EMX1: variants seen among roughly 807,000 people sequenced by gnomAD.
EMX1 encodes the protein empty spiracles homeobox 1.
Under a neutral mutation model 20.1 loss-of-function variants are expected in EMX1, and 10 were observed. The ratio of observed to expected loss-of-function variants is 0.50; its 90% CI spans 0.31 to 0.84. The LOEUF is 0.84. Ranked by LOEUF, EMX1 falls within the 40% of genes least tolerant of loss-of-function variation. The probability of loss-of-function intolerance (pLI) is 0.05; values close to 1 mark genes in which losing one functional copy is unlikely to be tolerated. For missense variants in EMX1, 424 were observed against 431.9 expected (o/e 0.98, Z 0.16); for synonymous variants, 250 against 200.4 (o/e 1.25, Z -2.09).
rs1671286712 is a variant in EMX1, at chr2:72,931,571, A to C, written c.706-2216A>C. ...GGGGCAGGGGCCAGGCTGCTGCCAA[A>C]TGGTTGTGCTGAGAACCACCCAGGG... is the stretch of plus-strand genomic sequence containing the variant. On this transcript the variant is annotated intron_variant, in intron 2 of 2. Transcript: ENST00000258106. 2.0e-5 allele frequency among the ~76,000 whole-genome samples: 3 copies of C among 152,034 alleles called. No individual in the cohort carries two copies. The South Asian group carries it at 6.2e-4, about 32-fold the overall frequency.
chr2:72,932,190 C>T (rs928217124), intron 2 of EMX1, among the ~76,000 whole-genome samples: 74 of 152,230 alleles, frequency 4.9e-4, no homozygotes, highest in African/African-American at 1.6e-3. Flanking sequence ...ATTCCTCACC[C>T]GCAACTCTGC....
At position 72,918,035 on chromosome 2, in the gene EMX1, CG is replaced by C. The variant is rs1444366083; in HGVS notation, c.188del (p.Gly63AlafsTer34). On this transcript the variant is annotated frameshift_variant, in exon 1 of 3. Coordinates refer to ENST00000258106, the MANE Select transcript of EMX1 (RefSeq NM_004097.3). LOFTEE classifies it high-confidence loss of function. ...GCGGCACCGGCGGGGGCACTGGCGG[CG>C]GGGGCGCGGGCTCCCATCTCCTGGC... is the stretch of plus-strand genomic sequence containing the variant. ...DGGTGGGTGG[G>X]GAGSHLLAAA... 1.4e-6 allele frequency: 2 copies of C among 1,417,486 alleles called. No homozygotes were observed. The highest frequency in any genetic ancestry group is 1.8e-6 in the Non-Finnish European group (2 of 1,095,134). The allele number at this position is 1,417,486 out of a possible 1,614,324, so 87.8% of individuals were successfully genotyped here.
upstream of EMX1, chr2:72,916,691 C>T: frequency 2.8e-6 from 2 of 717,014 alleles, no homozygotes; most frequent in Non-Finnish European, 5.2e-6. Flanking sequence ...GAGATGGGCT[C>T]GGGCTACTTG....
chr2:72,927,255 T>C (rs1298191572), intron 2 of EMX1, among the ~76,000 whole-genome samples: 2 of 152,246 alleles, frequency 1.3e-5, no homozygotes, highest in Non-Finnish European at 2.9e-5. Context: ...TTCATCTCCA[T>C]AGAGCTATTT....
upstream of EMX1, chr2:72,916,795 G>T (rs1315717743): frequency 1.4e-6 from 1 of 717,228 alleles, no homozygotes; most frequent in African/African-American, 1.7e-5. Flanking sequence ...AAGGCGAGGG[G>T]GTGGATCTCC....
At chr2:72,927,582 C>A (rs985362767) in intron 2 of EMX1, among the ~76,000 whole-genome samples, 5 of 152,254 alleles carry the variant, frequency 3.3e-5, no homozygotes, top group Non-Finnish European at 5.9e-5. Context: ...CAGTATGCGT[C>A]TCTCAGGGAG....
rs1252392511 is a variant in EMX1, at chr2:72,925,569, C to T, written c.705+1076C>T. 7.8e-6 allele frequency: 10 copies of T among 1,286,014 alleles called. No individual in the cohort carries two copies. In the Admixed American group the frequency reaches 1.4e-4, roughly 18 times the overall value. 79.7% of individuals were successfully genotyped at this position (1,286,014 alleles called of 1,614,324 possible). ...GGCTCCGCGGTCTCCCAGCTACCTC[C>T]CGGCTGACTTTTCACCTTCCGCTCC... On this transcript the variant is annotated intron_variant, in intron 2 of 2. Coordinates refer to ENST00000258106, the MANE Select transcript of EMX1 (RefSeq NM_004097.3).
intron 1 of EMX1, chr2:72,924,000 T>C (rs1337941753): frequency 2.0e-6 from 1 of 504,180 alleles, no homozygotes; most frequent in Non-Finnish European, 3.6e-6. Context: ...GCATTGTGAA[T>C]GTGGGTCCAC....
rs1671258375 is a variant in EMX1, at chr2:72,930,052, A to G, written c.706-3735A>G. On this transcript the variant is annotated intron_variant, in intron 2 of 2. Transcript: ENST00000258106. This position sits in a 1 kb window ranked among gnomAD's most constrained non-coding sequence, Gnocchi z 4.4. The stretch of plus-strand genomic sequence containing the variant: ...ACTAAGAAAAAGATCCAGTTTCTCC[A>G]TCATTGAGCACTTCTCAAAGCCTTT... Among the ~76,000 whole-genome samples, 1 of 152,206 alleles carries G rather than the reference A, an allele frequency of 6.6e-6. No individual in the cohort carries two copies. The highest frequency in any genetic ancestry group is 1.5e-5 in the Non-Finnish European group (1 of 68,042).
At chr2:72,916,776 G>C (rs1424463378), upstream of EMX1, 7 of 717,276 alleles carry the variant, frequency 9.8e-6, no homozygotes, top group African/African-American at 1.2e-4. Flanking sequence ...AGCCCCCAGA[G>C]CCTCAGAGAA....
intron 2 of EMX1, among the ~76,000 whole-genome samples, chr2:72,931,013 A>C (rs1039565788): frequency 3.9e-5 from 6 of 152,218 alleles, no homozygotes; most frequent in Middle Eastern, 3.4e-3. Flanking sequence ...CATAAGCACT[A>C]CCCTGTTATT....
chr2:72,928,823 A>G (rs991593614), intron 2 of EMX1, among the ~76,000 whole-genome samples: 6 of 152,280 alleles, frequency 3.9e-5, no homozygotes, highest in Middle Eastern at 3.4e-3. Flanking sequence ...CAGGATAGAA[A>G]CGCTTGAGAA....
upstream of EMX1, chr2:72,916,723 A>T: frequency 1.4e-6 from 1 of 717,372 alleles, no homozygotes; most frequent in Non-Finnish European, 2.6e-6. Context: ...TTTAAGCCAC[A>T]GTGTCTCCGA....
chr2:72,918,071 C>T lies in EMX1; in HGVS notation c.219C>T (p.Ala73=), dbSNP rs769069595. Residue 73 remains alanine, a synonymous_variant, in exon 1 of 3, where the codon GCC becomes GCT. Transcript: ENST00000258106. Reference sequence around the variant, plus strand: ...GCTCCCATCTCCTGGCGGCGGCCGCCTCCGAGGAACCGCTCCGGCCCACGG... The same window carrying T: ...GCTCCCATCTCCTGGCGGCGGCCGCTTCCGAGGAACCGCTCCGGCCCACGG... ...GAGSHLLAAA[A]SEEPLRPTAL... 1 of 1,419,414 alleles carries T rather than the reference C, an allele frequency of 7.0e-7. No individual in the cohort carries two copies. The highest frequency in any genetic ancestry group is 3.1e-5 in the Admixed American group (1 of 31,774). The allele number at this position is 1,419,414 out of a possible 1,614,324, so 87.9% of individuals were successfully genotyped here.
In EMX1 at chr2:72,917,847, G is replaced by T. The variant is rs746724679; in HGVS notation, c.-6G>T. On this transcript the variant is annotated 5_prime_UTR_variant, in exon 1 of 3. Transcript: ENST00000258106. ...CGGGGGAGGTGAGGGGTGCGGGCGG[G>T]TGTGCATGTGCCTGGCTGGGTGCAC... 53 of 1,429,816 alleles carry T rather than the reference G, an allele frequency of 3.7e-5. 1 individual carries two copies. In the Admixed American group the frequency reaches 1.5e-3, roughly 39 times the overall value. 88.6% of individuals were successfully genotyped at this position (1,429,816 alleles called of 1,614,324 possible). A position where few individuals can be genotyped will look rare whatever the true frequency, so the allele number is the denominator to read the frequency against.
At chr2:72,927,194 T>G (rs2105268438) in intron 2 of EMX1, among the ~76,000 whole-genome samples, 1 of 152,382 alleles carries the variant, frequency 6.6e-6, no homozygotes, top group South Asian at 2.1e-4. Context: ...CATTTGTTCA[T>G]TATCTTTGTC....
intron 2 of EMX1, chr2:72,925,908 G>T: frequency 2.0e-6 from 2 of 985,382 alleles, no homozygotes; most frequent in Non-Finnish European, 2.4e-6. Context: ...TGTTCTAACT[G>T]CAGGGAAAAA....
intron 2 of EMX1, chr2:72,925,378 G>C (rs1337221367): frequency 8.1e-7 from 1 of 1,232,510 alleles, no homozygotes; most frequent in South Asian, 1.3e-5. Context: ...TTCATTGTAA[G>C]TAGACTTTGC....
At chr2:72,921,075 G>C (rs1228729551) in intron 1 of EMX1, among the ~76,000 whole-genome samples, 1 of 152,182 alleles carries the variant, frequency 6.6e-6, no homozygotes, top group Non-Finnish European at 1.5e-5. Flanking sequence ...GGCCGGCGGC[G>C]GCCTCTCCAG....
Sources: gnomAD v4.1 joint callset for allele counts (sites outside exome capture counted in the v4.1 genomes callset) on GRCh38, gnomAD v4.1.1 for gene constraint, Gnocchi (gnomAD v3.1) non-coding constraint, MANE v1.5 for transcripts, NCBI Gene and HGNC (gene_info 2026-07-23, HGNC 2026-07-21) for gene names.